The following CDC42BPA variants were observed in gnomAD, a reference collection of about 807,000 sequenced individuals.
CDC42BPA encodes CDC42 binding protein kinase alpha.
In CDC42BPA, 80 loss-of-function variants were observed where a neutral mutation model predicts 223.5. The ratio of observed to expected loss-of-function variants is 0.36; its 90% CI spans 0.30 to 0.43. CDC42BPA has a LOEUF of 0.43. Ranked by LOEUF, CDC42BPA falls within the 20% of genes least tolerant of loss-of-function variation. CDC42BPA has a pLI of 1.00. For missense variants in CDC42BPA, 1,743 were observed against 2,099.9 expected (o/e 0.83, Z 3.32); for synonymous variants, 694 against 718.6 (o/e 0.97, Z 0.55).
chr1:227,209,676 T>C lies in CDC42BPA; in HGVS notation c.354+3460A>G, dbSNP rs892897559. Among the ~76,000 whole-genome samples, 8 of 148,822 alleles carry C rather than the reference T, an allele frequency of 5.4e-5. No individual in the cohort carries two copies. In the East Asian group the frequency reaches 5.9e-4, roughly 11 times the overall value. On this transcript the variant is annotated intron_variant, in intron 3 of 36. Coordinates refer to ENST00000366766, the MANE Select transcript of CDC42BPA (RefSeq NM_001394014.1). ...GATTACATTTATTGATTTGCGTATATTGAACCAGCCTTGCATCCCAGGGAT... is the reference window on the plus strand; with the variant it reads ...GATTACATTTATTGATTTGCGTATACTGAACCAGCCTTGCATCCCAGGGAT...
intron 1 of CDC42BPA, among the ~76,000 whole-genome samples, chr1:227,310,059 T>C (rs995655792): frequency 6.6e-6 from 1 of 152,202 alleles, no homozygotes; most frequent in Non-Finnish European, 1.5e-5. Context: ...AATTTCTTTC[T>C]AACCCTGCTA....
intron 5 of CDC42BPA, among the ~76,000 whole-genome samples, chr1:227,171,161 T>C (rs1052220687): frequency 1.3e-5 from 2 of 152,236 alleles, no homozygotes; most frequent in African/African-American, 4.8e-5. Flanking sequence ...TATCTATTAC[T>C]GTAAAAACAT....
intron 2 of CDC42BPA, among the ~76,000 whole-genome samples, chr1:227,245,819 T>C (rs1374600501): frequency 6.6e-6 from 1 of 152,194 alleles, no homozygotes; most frequent in African/African-American, 2.4e-5. Flanking sequence ...GCACCAGCAA[T>C]ACCCAGGGAG....
intron 14 of CDC42BPA, among the ~76,000 whole-genome samples, chr1:227,104,418 T>A (rs1035083964): frequency 9.2e-5 from 14 of 152,136 alleles, no homozygotes; most frequent in African/African-American, 3.4e-4. Context: ...TAAAATTATG[T>A]TTGTGATAAT....
At chr1:227,175,950 T>C (rs1666885938) in intron 5 of CDC42BPA, among the ~76,000 whole-genome samples, 1 of 152,130 alleles carries the variant, frequency 6.6e-6, no homozygotes, top group African/African-American at 2.4e-5. Flanking sequence ...GAGCTGTATG[T>C]ATGGTGTACT....
At chr1:227,011,069 A>G in intron 34 of CDC42BPA, 1 of 1,316,052 alleles carries the variant, frequency 7.6e-7, no homozygotes, top group South Asian at 1.2e-5. Context: ...CCTGGCTATC[A>G]AAAACAAAAG....
chr1:227,297,700 T>C (rs1368979533), intron 1 of CDC42BPA, among the ~76,000 whole-genome samples: 1 of 151,974 alleles, frequency 6.6e-6, no homozygotes. Flanking sequence ...TAATATTAAA[T>C]GATTCCACTT....
At chr1:227,098,567 T>G (rs1445447654) in intron 15 of CDC42BPA, among the ~76,000 whole-genome samples, 2 of 152,066 alleles carry the variant, frequency 1.3e-5, no homozygotes, top group Non-Finnish European at 2.9e-5. Context: ...AGTAATATAT[T>G]CTCCCAACTG....
intron 13 of CDC42BPA, 78 bp from the exon 14 acceptor site, chr1:227,112,500 T>A (rs1687097669): frequency 8.8e-7 from 1 of 1,133,760 alleles, no homozygotes; most frequent in South Asian, 1.8e-5. Context: ...AATGAGAATT[T>A]ACCTTGTAAC....
intron 16 of CDC42BPA, among the ~76,000 whole-genome samples, chr1:227,086,039 T>G (rs546774261): frequency 1.8e-4 from 27 of 152,338 alleles, no homozygotes; most frequent in Middle Eastern, 3.4e-3. Flanking sequence ...GCTTTCTGTT[T>G]CTGTAGAAAC....
intron 1 of CDC42BPA, among the ~76,000 whole-genome samples, chr1:227,312,763 G>A (rs1395067349): frequency 6.6e-6 from 1 of 151,552 alleles, no homozygotes; most frequent in Non-Finnish European, 1.5e-5. Flanking sequence ...CTGGCGGGAG[G>A]TGACTGGATC....
intron 1 of CDC42BPA, among the ~76,000 whole-genome samples, chr1:227,275,728 G>A (rs148826437): frequency 0.03 from 4,566 of 151,686 alleles, 205 homozygotes; most frequent in African/African-American, 0.1. Flanking sequence ...TCAGCCTGCC[G>A]AGTGCCTGGG....
chr1:227,245,177 G>C (rs1193430742), intron 2 of CDC42BPA, among the ~76,000 whole-genome samples: 2 of 151,978 alleles, frequency 1.3e-5, no homozygotes, highest in East Asian at 3.9e-4. Flanking sequence ...GGAGGCATCA[G>C]CTGTCCATCC....
intron 14 of CDC42BPA, among the ~76,000 whole-genome samples, chr1:227,109,728 C>T (rs923710133): frequency 1.3e-5 from 2 of 151,542 alleles, no homozygotes; most frequent in Non-Finnish European, 2.9e-5. Flanking sequence ...ATTTGTTTTA[C>T]TTTTGAAACA....
intron 1 of CDC42BPA, among the ~76,000 whole-genome samples, chr1:227,304,224 T>C (rs1304206449): frequency 6.6e-6 from 1 of 152,098 alleles, no homozygotes; most frequent in Non-Finnish European, 1.5e-5. Flanking sequence ...CTGGTCAACA[T>C]GGCGATACCC....
intron 6 of CDC42BPA, among the ~76,000 whole-genome samples, chr1:227,150,869 GA>G (rs149369718): frequency 0.53 from 68,119 of 128,204 alleles, 16,324 homozygotes; most frequent in South Asian, 0.66. Context: ...AAAAAAAAAA[GA>G]AAAAAAAAAA....
At chr1:227,258,314 C>T (rs1355482260) in intron 1 of CDC42BPA, among the ~76,000 whole-genome samples, 1 of 150,490 alleles carries the variant, frequency 6.6e-6, no homozygotes, top group Non-Finnish European at 1.5e-5. Context: ...ATCCTTAAAC[C>T]GAAACCTAGC....
chr1:227,183,687 TCTTGA>T (rs1224842459), intron 5 of CDC42BPA, among the ~76,000 whole-genome samples: 1 of 152,196 alleles, frequency 6.6e-6, no homozygotes, highest in Non-Finnish European at 1.5e-5. Flanking sequence ...TGAATATAAA[TCTTGA>T]CTTGTCTGGG....
intron 24 of CDC42BPA, among the ~76,000 whole-genome samples, chr1:227,039,602 C>T (rs1315222901): frequency 6.6e-6 from 1 of 152,082 alleles, no homozygotes; most frequent in Non-Finnish European, 1.5e-5. Context: ...AATGTGCGCT[C>T]TATGAGGGTA....
Sources: allele counts gnomAD v4.1 joint callset (sites outside exome capture counted in the v4.1 genomes callset), GRCh38; gene constraint gnomAD v4.1.1; transcripts MANE v1.5; gene names NCBI Gene and HGNC (gene_info 2026-07-23, HGNC 2026-07-21).